MATR3: variants seen among roughly 807,000 people sequenced by gnomAD.
MATR3 encodes matrin 3, also known as matrin-3.
In MATR3, 4 loss-of-function variants were observed where a neutral mutation model predicts 85.5. The observed-to-expected ratio is 0.05, with a 90% CI of 0.02 to 0.11. The LOEUF (loss-of-function observed/expected upper bound fraction) is 0.11, where lower values mean the gene tolerates loss of function less well. Ranked by LOEUF, MATR3 falls within the 10% of genes least tolerant of loss-of-function variation. The pLI is 1.00. For missense variants in MATR3, 685 were observed against 1,016.1 expected, an observed-to-expected ratio of 0.67 and a Z score of 4.43; for synonymous variants, 336 against 343.1, an observed-to-expected ratio of 0.98 and a Z score of 0.23.
rs375489662 is a variant in MATR3, at chr5:139,317,191, C to T, written c.1182+86C>T. ...AAATCCTTACTAGTTGAGTATGTATCGTGGTCCTTATGGGAACATTGCTGT... is the reference window on the plus strand; with the variant it reads ...AAATCCTTACTAGTTGAGTATGTATTGTGGTCCTTATGGGAACATTGCTGT... On this transcript the variant is annotated intron_variant, in intron 6 of 14. Transcript: ENST00000394805. 128 of 1,287,058 alleles carry T rather than the reference C, an allele frequency of 9.9e-5. 2 individuals are homozygous for T. The highest frequency in any genetic ancestry group is 7.8e-4 in the South Asian group (64 of 82,390). The allele number at this position is 1,287,058 out of a possible 1,614,324, so 79.7% of individuals were successfully genotyped here.
chr5:139,324,827 A>G (rs1048938075), intron 12 of MATR3, among the ~76,000 whole-genome samples: 3 of 152,198 alleles, frequency 2.0e-5, no homozygotes, highest in African/African-American at 7.2e-5. Flanking sequence ...AAAATAAGCT[A>G]AATTATTTTT....
At chr5:139,311,550 G>A (rs555546601) in intron 2 of MATR3, 1 of 151,976 alleles carries the variant, frequency 6.6e-6, no homozygotes, top group Non-Finnish European at 1.5e-5. Context: ...TTTCCCCTAA[G>A]TTTGAACCTT....
intron 1 of MATR3, chr5:139,294,073 G>C: frequency 1.6e-6 from 2 of 1,261,362 alleles, no homozygotes; most frequent in Non-Finnish European, 2.0e-6. Context: ...AAGGGCCCAG[G>C]GTGCGGCGGG....
rs1467160916 is a variant in MATR3, at chr5:139,278,353, A to G, written c.-256-698A>G. 5 of 453,912 alleles carry G rather than the reference A, an allele frequency of 1.1e-5. No individual in the cohort carries two copies. In the Admixed American group the frequency reaches 1.2e-4, roughly 11 times the overall value. 28.1% of individuals were successfully genotyped at this position (453,912 alleles called of 1,614,324 possible). A position where few individuals can be genotyped will look rare whatever the true frequency, so the allele number is the denominator to read the frequency against. On this transcript the variant is annotated intron_variant, in intron 2 of 16. Transcript: ENST00000509990. Reference sequence around the variant, plus strand: ...ATGACTTGAAAGTAGGGCATCCTTCACCCATCTGAAGGGAGGAAATAGTGG... The same window carrying G: ...ATGACTTGAAAGTAGGGCATCCTTCGCCCATCTGAAGGGAGGAAATAGTGG...
At chr5:139,302,688 G>A (rs1400174082) in intron 1 of MATR3, among the ~76,000 whole-genome samples, 1 of 152,208 alleles carries the variant, frequency 6.6e-6, no homozygotes, top group Non-Finnish European at 1.5e-5. Context: ...GTGCTGCTTT[G>A]AAATTACTGA....
intron 2 of MATR3, chr5:139,312,064 C>T (rs1755011806): frequency 6.6e-6 from 1 of 152,108 alleles, no homozygotes; most frequent in Admixed American, 6.6e-5. Flanking sequence ...CCACCACGCC[C>T]AGCCAAGGCT....
chr5:139,300,355 ACT>A (rs897267221), intron 1 of MATR3, among the ~76,000 whole-genome samples: 2 of 151,984 alleles, frequency 1.3e-5, no homozygotes, highest in Non-Finnish European at 2.9e-5. Context: ...ACTGTGCGAG[ACT>A]CTGTCTCAAA....
At chr5:139,292,555 A>ATTG (rs1387284547), upstream of MATR3, among the ~76,000 whole-genome samples, 2 of 152,172 alleles carry the variant, frequency 1.3e-5, no homozygotes, top group African/African-American at 2.4e-5. Context: ...CCTAACCAGT[A>ATTG]CCTCAGTCCC....
chr5:139,321,858 A>ATT (rs1755591100), intron 9 of MATR3, 40 bp from the exon 10 acceptor site: 1 of 1,601,730 alleles, frequency 6.2e-7, no homozygotes. Context: ...AATTTTGTAA[A>ATT]ATATAATGTG....
chr5:139,324,104 G>A (rs1168783176), intron 12 of MATR3, among the ~76,000 whole-genome samples: 3 of 152,030 alleles, frequency 2.0e-5, no homozygotes, highest in African/African-American at 7.2e-5. Flanking sequence ...GGCATTTAAT[G>A]CCATACGTTT....
chr5:139,308,116 C>A lies in MATR3; in HGVS notation c.701C>A (p.Ser234Tyr). Residue 234 changes from serine (S) to tyrosine (Y), a missense_variant, in exon 2 of 15, where the codon TCT (serine) becomes TAT (tyrosine). Physicochemically the swap from Ser to Tyr is moderately radical, Grantham distance 144. This residue lies in a region of MATR3 where 223 missense variants were observed against 334.4 expected (regional missense o/e 0.67). Transcript: ENST00000394805. ...GATGGAGAAAGGTGTAGGGATGATT[C>A]TTTTTTTGGTGAGACCTCGCATAAC... ...LRDGERCRDDSFFGETSHNYH... is the reference protein window; with the variant it reads ...LRDGERCRDDYFFGETSHNYH... 2 of 1,613,904 alleles carry A rather than the reference C, an allele frequency of 1.2e-6. No homozygotes were observed. The highest frequency in any genetic ancestry group is 1.6e-4 in the Middle Eastern group (1 of 6,062).
At chr5:139,313,885 T>G (rs1755117602) in intron 2 of MATR3, 1 of 152,200 alleles carries the variant, frequency 6.6e-6, no homozygotes, top group Admixed American at 6.6e-5. Context: ...AAAAGCTGGA[T>G]GTGATTAAAG....
chr5:139,325,281 T>G, intron 12 of MATR3, 159 bp from the exon 13 acceptor site: 1 of 1,551,694 alleles, frequency 6.4e-7, no homozygotes, highest in South Asian at 1.2e-5. Flanking sequence ...AGAGTAAATT[T>G]GTCTTTCTTA....
At chr5:139,287,479 C>T (rs995743121) in intron 3 of MATR3, among the ~76,000 whole-genome samples, 2 of 152,096 alleles carry the variant, frequency 1.3e-5, no homozygotes, top group Non-Finnish European at 2.9e-5. Flanking sequence ...ATTAGCTGGA[C>T]ATGTTGGCGC....
In MATR3 at chr5:139,316,197, A is replaced by G. The variant is rs372039740; in HGVS notation, c.1129+9A>G. ...ACCAAGAGGAAATCTGGGTAATTAT[A>G]TAAAATTCATGTTACTTTTCCCTAC... On this transcript the variant is annotated intron_variant, in intron 5 of 14. Coordinates refer to ENST00000394805, the MANE Select transcript of MATR3 (RefSeq NM_018834.6). 278 of 1,586,564 alleles carry G rather than the reference A, an allele frequency of 1.8e-4. No individual in the cohort carries two copies. Among genetic ancestry groups the G allele is most frequent in the Non-Finnish European group, 2.3e-4 (261 of 1,155,410 alleles).
intron 10 of MATR3, 94 bp downstream of exon 10, chr5:139,322,123 C>T: frequency 7.2e-7 from 1 of 1,395,184 alleles, no homozygotes; most frequent in Non-Finnish European, 1.0e-6. Flanking sequence ...GCTAAAAATA[C>T]AGGATTATTG....
intron 3 of MATR3, chr5:139,283,039 T>G (rs909131914): frequency 7.2e-4 from 109 of 152,280 alleles, no homozygotes; most frequent in African/African-American, 2.6e-3. Context: ...TCTGTGGTCT[T>G]ACTTTATTCT....
chr5:139,290,881 A>G (rs971863923), upstream of MATR3, among the ~76,000 whole-genome samples: 25 of 152,180 alleles, frequency 1.6e-4, no homozygotes, highest in African/African-American at 6.0e-4. Context: ...ATGTGTCCCC[A>G]ACTGAACTTG....
At chr5:139,285,126 T>C (rs1753663027) in intron 3 of MATR3, 1 of 152,234 alleles carries the variant, frequency 6.6e-6, no homozygotes, top group African/African-American at 2.4e-5. Context: ...TCATGTATAG[T>C]GCCCTCAAGT....
Sources: gnomAD v4.1 joint callset for allele counts (sites outside exome capture counted in the v4.1 genomes callset) on GRCh38, gnomAD v4.1.1 for gene constraint, gnomAD v4.1.1 regional missense constraint, MANE v1.5 for transcripts, NCBI Gene and HGNC (gene_info 2026-07-23, HGNC 2026-07-21) for gene names.